Variants in CCDC148 observed in about 807,000 individuals in gnomAD.
CCDC148 encodes the protein coiled-coil domain containing 148, also known as coiled-coil domain-containing protein 148.
CCDC148 carries 89 observed loss-of-function variants against 85.7 expected under a neutral mutation model. That is an observed-to-expected ratio of 1.04 (90% confidence interval 0.87 to 1.24). CCDC148 has a LOEUF of 1.24. Ranked by LOEUF, CCDC148 falls within the 50% of genes most tolerant of loss-of-function variation. The pLI is 0.00. For synonymous variants in CCDC148, 230 were observed against 213.9 expected, an observed-to-expected ratio of 1.08 and a Z score of -0.66; for missense variants, 692 against 671.7, an observed-to-expected ratio of 1.03 and a Z score of -0.33.
At chr2:158,422,825 T>C (rs28766036) in intron 1 of CCDC148, among the ~76,000 whole-genome samples, 3,104 of 144,030 alleles carry the variant, frequency 0.022, 84 homozygotes, top group African/African-American at 0.054. Flanking sequence ...GCCTGTATAT[T>C]TAGAAAACCC....
chr2:158,252,146 A>C lies in CCDC148; in HGVS notation c.1111-1234T>G, dbSNP rs1026138524. Among the ~76,000 whole-genome samples the C allele has an allele frequency of 4.6e-5, 7 of 151,816 alleles. No homozygotes were observed. In the South Asian group the frequency reaches 1.5e-3, roughly 31 times the overall value. The stretch of plus-strand genomic sequence containing the variant: ...TACACATTTCATATAAGCATCATTT[A>C]TTAATGGTAATATATATGATGAAAA... On this transcript the variant is annotated intron_variant, in intron 9 of 13. Transcript: ENST00000283233.
At chr2:158,386,278 A>G (rs534087935) in intron 1 of CCDC148, among the ~76,000 whole-genome samples, 4 of 152,246 alleles carry the variant, frequency 2.6e-5, no homozygotes, top group Admixed American at 2.0e-4. Flanking sequence ...CACATTTAGA[A>G]AATGGAGAAA....
intron 9 of CCDC148, among the ~76,000 whole-genome samples, chr2:158,288,157 C>T (rs746913882): frequency 2.6e-5 from 4 of 152,172 alleles, no homozygotes; most frequent in African/African-American, 4.8e-5. Context: ...CTAGGCCCAG[C>T]CCATGAATCC....
chr2:158,273,742 T>C (rs1689800796), intron 9 of CCDC148, among the ~76,000 whole-genome samples: 1 of 152,192 alleles, frequency 6.6e-6, no homozygotes, highest in Non-Finnish European at 1.5e-5. Context: ...TCATTCACTG[T>C]GCCATCCCTC....
intron 10 of CCDC148, among the ~76,000 whole-genome samples, chr2:158,247,839 G>C (rs1164979978): frequency 6.6e-6 from 1 of 152,118 alleles, no homozygotes; most frequent in Non-Finnish European, 1.5e-5. Flanking sequence ...CTGGGCGACA[G>C]AGCGAGACTC....
At chr2:158,351,973 C>T (rs1287009962) in intron 2 of CCDC148, among the ~76,000 whole-genome samples, 1 of 144,452 alleles carries the variant, frequency 6.9e-6, no homozygotes, top group Non-Finnish European at 1.5e-5. Context: ...CACACTGACA[C>T]CTCACACGGC....
intron 10 of CCDC148, among the ~76,000 whole-genome samples, chr2:158,238,500 C>CT (rs2105318960): frequency 6.6e-6 from 1 of 152,196 alleles, no homozygotes; most frequent in East Asian, 1.9e-4. Context: ...AAGAATGGCA[C>CT]TGAGGAGGCG....
intron 7 of CCDC148, among the ~76,000 whole-genome samples, chr2:158,334,820 A>G (rs184931411): frequency 1.3e-5 from 2 of 152,134 alleles, no homozygotes; most frequent in Admixed American, 1.3e-4. Flanking sequence ...ATATATATTT[A>G]TATTTGGCTG....
chr2:158,437,376 C>G (rs1687709806), intron 1 of CCDC148, among the ~76,000 whole-genome samples: 1 of 152,174 alleles, frequency 6.6e-6, no homozygotes, highest in South Asian at 2.1e-4. Flanking sequence ...AAGACAAAAA[C>G]CACATGATTA....
intron 9 of CCDC148, among the ~76,000 whole-genome samples, chr2:158,287,981 C>T (rs1690707737): frequency 6.6e-6 from 1 of 152,226 alleles, no homozygotes; most frequent in African/African-American, 2.4e-5. Context: ...GTTTCCAAAC[C>T]TCAATTCTTG....
intron 7 of CCDC148, among the ~76,000 whole-genome samples, chr2:158,334,219 C>T (rs1693304552): frequency 6.6e-6 from 1 of 152,142 alleles, no homozygotes. Flanking sequence ...GGTTTCTTAG[C>T]TCATTACTGG....
intron 2 of CCDC148, among the ~76,000 whole-genome samples, chr2:158,352,833 C>T (rs868739706): frequency 7.2e-5 from 11 of 152,032 alleles, no homozygotes; most frequent in African/African-American, 2.7e-4. Flanking sequence ...AGAGAAAGGT[C>T]GGGTTACTCT....
intron 9 of CCDC148, among the ~76,000 whole-genome samples, chr2:158,254,499 T>C (rs1287002028): frequency 6.6e-6 from 1 of 151,656 alleles, no homozygotes; most frequent in Non-Finnish European, 1.5e-5. Flanking sequence ...TAGACTTTCA[T>C]AGGTTTTAAA....
At chr2:158,330,427 T>A (rs536553323) in intron 7 of CCDC148, among the ~76,000 whole-genome samples, 1 of 152,320 alleles carries the variant, frequency 6.6e-6, no homozygotes, top group African/African-American at 2.4e-5. Context: ...TTACTGAGGA[T>A]TTTTGCATCA....
intron 9 of CCDC148, among the ~76,000 whole-genome samples, chr2:158,259,692 T>C (rs537184212): frequency 6.6e-6 from 1 of 152,080 alleles, no homozygotes; most frequent in East Asian, 1.9e-4. Flanking sequence ...CATTTATTTG[T>C]ATACCACCTT....
chr2:158,446,713 A>G (rs946265279), intron 1 of CCDC148, among the ~76,000 whole-genome samples: 2 of 152,210 alleles, frequency 1.3e-5, no homozygotes, highest in Admixed American at 6.5e-5. Flanking sequence ...CATTACCACT[A>G]TCCACTTTTA....
intron 1 of CCDC148, among the ~76,000 whole-genome samples, chr2:158,432,296 A>G (rs1687393192): frequency 6.6e-6 from 1 of 152,116 alleles, no homozygotes; most frequent in Non-Finnish European, 1.5e-5. Flanking sequence ...TATTAAAGGT[A>G]AATGACATAA....
At chr2:158,456,160 G>C (rs967290871) in intron 1 of CCDC148, among the ~76,000 whole-genome samples, 2 of 152,166 alleles carry the variant, frequency 1.3e-5, no homozygotes, top group African/African-American at 2.4e-5. Context: ...GAGAATCAGG[G>C]AACAGGCTAG....
intron 10 of CCDC148, among the ~76,000 whole-genome samples, chr2:158,239,046 A>G (rs758486386): frequency 1.3e-5 from 2 of 152,172 alleles, no homozygotes; most frequent in African/African-American, 4.8e-5. Flanking sequence ...GGATCATATA[A>G]GTATCTACCC....
Sources: allele counts gnomAD v4.1 joint callset (sites outside exome capture counted in the v4.1 genomes callset), GRCh38; gene constraint gnomAD v4.1.1; transcripts MANE v1.5; gene names NCBI Gene and HGNC (gene_info 2026-07-23, HGNC 2026-07-21).